AUTS2: variants seen among roughly 807,000 people sequenced by gnomAD.
The protein encoded by AUTS2 is activator of transcription and developmental regulator AUTS2.
A neutral mutation model predicts 112.4 loss-of-function variants in AUTS2; 17 were observed. The ratio of observed to expected loss-of-function variants is 0.15; its 90% CI spans 0.10 to 0.23. The LOEUF (loss-of-function observed/expected upper bound fraction) is 0.23, where lower values mean the gene tolerates loss of function less well. Ranked by LOEUF, AUTS2 falls within the 10% of genes least tolerant of loss-of-function variation. AUTS2 has a pLI of 1.00. For synonymous variants in AUTS2, 751 were observed against 702.7 expected, an observed-to-expected ratio of 1.07 and a Z score of -1.09; for missense variants, 1,510 against 1,701.6, an observed-to-expected ratio of 0.89 and a Z score of 1.98.
At chr7:69,631,248 GGT>G (rs1794226869) in intron 1 of AUTS2, among the ~76,000 whole-genome samples, 1 of 152,028 alleles carries the variant, frequency 6.6e-6, no homozygotes, top group Non-Finnish European at 1.5e-5. Flanking sequence ...TAAGAACCAA[GGT>G]CTTGTGCTTG....
At chr7:69,949,472 G>T (rs141628004) in intron 2 of AUTS2, among the ~76,000 whole-genome samples, 105 of 152,262 alleles carry the variant, frequency 6.9e-4, no homozygotes, top group African/African-American at 2.4e-3. Context: ...ACTTGCCTGT[G>T]GTCATAGAGC....
intron 1 of AUTS2, among the ~76,000 whole-genome samples, chr7:69,780,547 G>T (rs1049388910): frequency 2.0e-5 from 3 of 152,156 alleles, no homozygotes; most frequent in East Asian, 1.9e-4. Context: ...GGAGGAGGGC[G>T]GGTAAAGAAA....
intron 1 of AUTS2, among the ~76,000 whole-genome samples, chr7:69,696,704 C>T (rs1797578069): frequency 6.6e-6 from 1 of 152,182 alleles, no homozygotes; most frequent in South Asian, 2.1e-4. Flanking sequence ...AGAACCTGAC[C>T]TTCTTGTCAC....
At position 69,750,898 on chromosome 7, in the gene AUTS2, C is replaced by A. The variant is rs116264063; in HGVS notation, c.310-148388C>A. ...GAAATGGAAACCCCGTGCTTCCAGA[C>A]CTAGAACTTGTTCCTTTTCTATATT... is the stretch of plus-strand genomic sequence containing the variant. On this transcript the variant is annotated intron_variant, in intron 1 of 18. Coordinates refer to ENST00000342771, the MANE Select transcript of AUTS2 (RefSeq NM_015570.4). 2.9e-3 allele frequency among the ~76,000 whole-genome samples: 443 copies of A among 151,992 alleles called. 5 individuals are homozygous for A. The highest frequency in any genetic ancestry group is 0.01 in the African/African-American group (429 of 41,438).
intron 4 of AUTS2, among the ~76,000 whole-genome samples, chr7:70,400,631 G>T (rs1039799040): frequency 6.6e-6 from 1 of 152,142 alleles, no homozygotes. Flanking sequence ...GTGAAGATTG[G>T]CTGGATTCTC....
chr7:70,506,590 T>C (rs535817938), intron 5 of AUTS2, among the ~76,000 whole-genome samples: 1 of 152,130 alleles, frequency 6.6e-6, no homozygotes, highest in Admixed American at 6.5e-5. Flanking sequence ...GAGAGAATAA[T>C]TATTCTCAGC....
chr7:69,703,773 G>C (rs559780219), intron 1 of AUTS2, among the ~76,000 whole-genome samples: 1 of 152,166 alleles, frequency 6.6e-6, no homozygotes, highest in Admixed American at 6.5e-5. Context: ...GCAGTTGTTT[G>C]GCTCTTTAAA....
chr7:69,944,787 C>G (rs1796749102), intron 2 of AUTS2, among the ~76,000 whole-genome samples: 1 of 152,176 alleles, frequency 6.6e-6, no homozygotes, highest in Admixed American at 6.5e-5. Context: ...CCTTACGTAT[C>G]AGATTTCATG....
Position 70,162,403 on chromosome 7 carries a change from G to A in AUTS2, c.660+27832G>A, listed in dbSNP as rs577917951. On this transcript the variant is annotated intron_variant, in intron 4 of 18. Transcript: ENST00000342771. ...GGAGCTTGCAGTGAGCCGAGATCCC[G>A]CCACTGCACTCCAGCCTGGGCGACA... 1.1e-3 allele frequency among the ~76,000 whole-genome samples: 127 copies of A among 111,762 alleles called. 1 individual carries two copies. The highest frequency in any genetic ancestry group is 3.8e-3 in the African/African-American group (110 of 29,284). 73.3% of individuals were successfully genotyped at this position (111,762 alleles called of 152,430 possible). A position where few individuals can be genotyped will look rare whatever the true frequency, so the allele number is the denominator to read the frequency against.
At chr7:70,159,347 A>G (rs887434690) in intron 4 of AUTS2, among the ~76,000 whole-genome samples, 13 of 152,228 alleles carry the variant, frequency 8.5e-5, no homozygotes, top group African/African-American at 3.1e-4. Context: ...TGTGAAACGC[A>G]GTGTGAAATA....
chr7:69,945,611 G>C (rs939765744), intron 2 of AUTS2, among the ~76,000 whole-genome samples: 4 of 151,598 alleles, frequency 2.6e-5, no homozygotes, highest in Non-Finnish European at 5.9e-5. Context: ...TTTTGTTGTT[G>C]TTGTTTGTTT....
chr7:70,309,483 A>G (rs558305725), intron 4 of AUTS2, among the ~76,000 whole-genome samples: 2 of 152,320 alleles, frequency 1.3e-5, no homozygotes, highest in Admixed American at 6.5e-5. Context: ...GCCTTTTTGC[A>G]TGTACTACAG....
At position 69,599,368 on chromosome 7, in the gene AUTS2, C is replaced by G; in HGVS notation, c.-286C>G. ...AGCCATTACTTTGCTCGGCGCTGCT[C>G]CCAGGCATCTCCGACCCTCGGTGCT... On this transcript the variant is annotated 5_prime_UTR_variant, in exon 1 of 19. Transcript: ENST00000342771. The surrounding 1 kb of genome is among the most constrained non-coding windows in gnomAD (Gnocchi z 7.0). 1 of 339,090 alleles carries G rather than the reference C, an allele frequency of 2.9e-6. No individual in the cohort carries two copies. Among genetic ancestry groups the G allele is most frequent in the Non-Finnish European group, 5.3e-6 (1 of 188,402 alleles). 21.0% of individuals were successfully genotyped at this position (339,090 alleles called of 1,614,324 possible).
chr7:70,118,425 G>A (rs1442346444), intron 3 of AUTS2, 192 bp downstream of exon 3: 29 of 667,060 alleles, frequency 4.3e-5, no homozygotes, highest in Middle Eastern at 9.3e-4. Context: ...ATTCTAAAAT[G>A]TCGTTTGAGC....
intron 1 of AUTS2, among the ~76,000 whole-genome samples, chr7:69,635,001 A>AT (rs35177065): frequency 0.74 from 111,125 of 149,242 alleles, 41,312 homozygotes; most frequent in African/African-American, 0.82. Flanking sequence ...GCTCCTTGTA[A>AT]TTTTTTTTTT....
At chr7:70,064,142 CTT>C (rs1802382377) in intron 2 of AUTS2, among the ~76,000 whole-genome samples, 1 of 152,306 alleles carries the variant, frequency 6.6e-6, no homozygotes, top group East Asian at 1.9e-4. Context: ...GCAGGCCACT[CTT>C]TATCCTTTTA....
chr7:70,092,825 A>G (rs1233696506), intron 2 of AUTS2, among the ~76,000 whole-genome samples: 2 of 152,184 alleles, frequency 1.3e-5, no homozygotes, highest in Non-Finnish European at 2.9e-5. Flanking sequence ...TTATTCATCC[A>G]CATCTCAGCT....
At chr7:69,863,032 T>C (rs1793061408) in intron 1 of AUTS2, among the ~76,000 whole-genome samples, 1 of 152,024 alleles carries the variant, frequency 6.6e-6, no homozygotes, top group Non-Finnish European at 1.5e-5. Context: ...ACACATGTTC[T>C]TTTCCACATT....
At chr7:70,731,531 G>A (rs1351781725) in intron 6 of AUTS2, among the ~76,000 whole-genome samples, 2 of 141,976 alleles carry the variant, frequency 1.4e-5, no homozygotes, top group African/African-American at 2.6e-5. Context: ...CCGGGTTCAT[G>A]CCATTCTCCT....
Sources: allele counts gnomAD v4.1 joint callset (sites outside exome capture counted in the v4.1 genomes callset), GRCh38; gene constraint gnomAD v4.1.1; non-coding constraint Gnocchi (gnomAD v3.1); transcripts MANE v1.5; gene names NCBI Gene and HGNC (gene_info 2026-07-23, HGNC 2026-07-21).